EEPD1: variants seen among roughly 807,000 people sequenced by gnomAD.
The protein encoded by EEPD1 is endonuclease/exonuclease/phosphatase family domain-containing protein 1.
EEPD1 carries 17 observed loss-of-function variants against 46.3 expected under a neutral mutation model. The observed-to-expected ratio is 0.37, with a 90% CI of 0.25 to 0.55. The LOEUF is 0.55. Among genes scored for constraint, EEPD1 ranks in the 20% least tolerant of loss-of-function variants. The pLI is 0.83. For synonymous variants in EEPD1, 313 were observed against 315.6 expected (o/e 0.99, Z 0.09); for missense variants, 673 against 745.6 (o/e 0.90, Z 1.13).
At chr7:36,297,251 CT>C in intron 7 of EEPD1, 64 bp downstream of exon 7, 1 of 1,559,398 alleles carries the variant, frequency 6.4e-7, no homozygotes. Context: ...CATGTCTGAA[CT>C]GACAGAAGTC....
At chr7:36,271,874 C>CTATTG (rs1241369625) in intron 3 of EEPD1, among the ~76,000 whole-genome samples, 4 of 16,844 alleles carry the variant, frequency 2.4e-4, no homozygotes, top group African/African-American at 5.3e-4. Flanking sequence ...CTATTCTATT[C>CTATTG]TATTCTATTG....
intron 3 of EEPD1, among the ~76,000 whole-genome samples, chr7:36,263,828 A>C (rs894543072): frequency 6.6e-6 from 1 of 152,158 alleles, no homozygotes; most frequent in East Asian, 1.9e-4. Flanking sequence ...ATAAATTGCT[A>C]TGTATCGATT....
chr7:36,266,799 C>T (rs1199066705), intron 3 of EEPD1, among the ~76,000 whole-genome samples: 1 of 152,198 alleles, frequency 6.6e-6, no homozygotes, highest in Non-Finnish European at 1.5e-5. Context: ...TATTTACCTA[C>T]TCTGGATGTC....
chr7:36,206,109 T>A (rs77620582), intron 2 of EEPD1, among the ~76,000 whole-genome samples: 1 of 152,032 alleles, frequency 6.6e-6, no homozygotes, highest in Non-Finnish European at 1.5e-5. Context: ...AAGGGCTTGA[T>A]TGAAGATTGA....
intron 6 of EEPD1, among the ~76,000 whole-genome samples, chr7:36,296,667 T>G (rs879855149): frequency 5.3e-5 from 8 of 150,936 alleles, no homozygotes; most frequent in Non-Finnish European, 1.0e-4. Context: ...TGAGTTTTTG[T>G]TAAATATTTG....
chr7:36,180,554 T>C, intron 2 of EEPD1, among the ~76,000 whole-genome samples: 1 of 152,180 alleles, frequency 6.6e-6, no homozygotes, highest in East Asian at 1.9e-4. Flanking sequence ...GGAGAAATTT[T>C]ATTAAACATG....
chr7:36,236,604 G>T (rs1018154168), intron 2 of EEPD1, among the ~76,000 whole-genome samples: 1 of 152,220 alleles, frequency 6.6e-6, no homozygotes, highest in Non-Finnish European at 1.5e-5. Flanking sequence ...CTGGGCTTCT[G>T]AGAGGTGGGG....
At chr7:36,223,459 G>A (rs10281772) in intron 2 of EEPD1, among the ~76,000 whole-genome samples, 12,610 of 152,166 alleles carry the variant, frequency 0.083, 659 homozygotes, top group East Asian at 0.19. Context: ...ACATTGACCT[G>A]CAGGCCACCA....
chr7:36,267,562 A>G (rs1374994491), intron 3 of EEPD1, among the ~76,000 whole-genome samples: 4 of 152,108 alleles, frequency 2.6e-5, no homozygotes, highest in Non-Finnish European at 5.9e-5. Flanking sequence ...AGCTTTCCCC[A>G]ACTAAGTGAA....
At chr7:36,252,363 A>G (rs1350664730) in intron 3 of EEPD1, among the ~76,000 whole-genome samples, 3 of 152,038 alleles carry the variant, frequency 2.0e-5, no homozygotes, top group African/African-American at 7.3e-5. Flanking sequence ...ATGTTTTGCT[A>G]TGACTTCTGT....
chr7:36,225,819 A>G lies in EEPD1; in HGVS notation c.879-13166A>G, dbSNP rs555384089. Among the ~76,000 whole-genome samples the G allele has an allele frequency of 2.0e-5, 3 of 152,312 alleles. No individual in the cohort carries two copies. In the East Asian group the frequency reaches 5.8e-4, roughly 29 times the overall value. ...ATTTGGGGGTTATGTAGCAACCCAA[A>G]CAATTTTATGCTCAGCTGAGTTGCC... is the stretch of plus-strand genomic sequence containing the variant. On this transcript the variant is annotated intron_variant, in intron 2 of 7. Coordinates refer to ENST00000242108, the MANE Select transcript of EEPD1 (RefSeq NM_030636.3). This position sits in a 1 kb window ranked among gnomAD's most constrained non-coding sequence, Gnocchi z 4.2.
intron 3 of EEPD1, among the ~76,000 whole-genome samples, chr7:36,269,744 A>G (rs905256012): frequency 1.4e-5 from 2 of 148,040 alleles, no homozygotes; most frequent in African/African-American, 4.9e-5. Flanking sequence ...CTAATTTAAA[A>G]TTTTAAAAAA....
At chr7:36,196,758 G>C (rs537936360) in intron 2 of EEPD1, among the ~76,000 whole-genome samples, 1 of 152,180 alleles carries the variant, frequency 6.6e-6, no homozygotes, top group African/African-American at 2.4e-5. Flanking sequence ...ATCTCGGCTC[G>C]CTACGGCCTC....
intron 3 of EEPD1, among the ~76,000 whole-genome samples, chr7:36,250,713 T>A (rs1004233991): frequency 2.0e-5 from 3 of 152,128 alleles, no homozygotes; most frequent in Admixed American, 2.0e-4. Context: ...CCCCTTTAAA[T>A]ATCAGATGAA....
intron 2 of EEPD1, among the ~76,000 whole-genome samples, chr7:36,232,964 T>C (rs1301234379): frequency 6.6e-6 from 1 of 152,182 alleles, no homozygotes; most frequent in African/African-American, 2.4e-5. Flanking sequence ...GCTGAATATT[T>C]TAACAGTGTT....
intron 6 of EEPD1, among the ~76,000 whole-genome samples, chr7:36,294,600 C>T (rs1787493252): frequency 6.6e-6 from 1 of 152,000 alleles, no homozygotes; most frequent in Admixed American, 6.5e-5. Flanking sequence ...GAAAATTCTG[C>T]CAGATTGTAC....
At chr7:36,239,580 A>G (rs1446384895) in intron 3 of EEPD1, among the ~76,000 whole-genome samples, 2 of 152,090 alleles carry the variant, frequency 1.3e-5, no homozygotes, top group Non-Finnish European at 2.9e-5. Context: ...GCTACTACTG[A>G]GGATTGAGAA....
intron 2 of EEPD1, among the ~76,000 whole-genome samples, chr7:36,187,221 T>C (rs1008084906): frequency 6.6e-6 from 1 of 152,266 alleles, no homozygotes; most frequent in African/African-American, 2.4e-5. Context: ...TTTCCTTTTT[T>C]TATTTAAAAT....
intron 3 of EEPD1, among the ~76,000 whole-genome samples, chr7:36,264,140 G>T (rs1786974376): frequency 6.6e-6 from 1 of 152,158 alleles, no homozygotes; most frequent in Non-Finnish European, 1.5e-5. Context: ...AAAGCAAGAA[G>T]AAAAACTAAG....
Sources: allele counts gnomAD v4.1 joint callset (sites outside exome capture counted in the v4.1 genomes callset), GRCh38; gene constraint gnomAD v4.1.1; non-coding constraint Gnocchi (gnomAD v3.1); transcripts MANE v1.5; gene names NCBI Gene and HGNC (gene_info 2026-07-23, HGNC 2026-07-21).